RIN2: variants seen among roughly 807,000 people sequenced by gnomAD.
RIN2 encodes the protein RAB5 interacting protein 2.
A neutral mutation model predicts 78.0 loss-of-function variants in RIN2; 36 were observed. The observed-to-expected ratio is 0.46, with a 90% CI of 0.35 to 0.61. RIN2 has a LOEUF of 0.61. Ranked by LOEUF, RIN2 falls within the 20% of genes least tolerant of loss-of-function variation. The pLI is 0.00. For synonymous variants in RIN2, 466 were observed against 466.8 expected, an observed-to-expected ratio of 1.00 and a Z score of 0.02; for missense variants, 1,087 against 1,159.7, an observed-to-expected ratio of 0.94 and a Z score of 0.91.
At position 19,862,613 on chromosome 20, in the gene RIN2, C is replaced by G. The variant is rs2037377954; in HGVS notation, c.-36-26953C>G. ...GTCTCAAAACAAACAAACAAACAAACAAACAAACAAGCAAAAACAGAGTTG... is the reference window on the plus strand; with the variant it reads ...GTCTCAAAACAAACAAACAAACAAAGAAACAAACAAGCAAAAACAGAGTTG... On this transcript the variant is annotated intron_variant, in intron 2 of 12. Coordinates refer to ENST00000255006, the MANE Select transcript of RIN2 (RefSeq NM_018993.4). 2.0e-5 allele frequency among the ~76,000 whole-genome samples: 3 copies of G among 152,008 alleles called. No individual in the cohort carries two copies. In the South Asian group the frequency reaches 6.2e-4, roughly 32 times the overall value.
At chr20:19,972,823 C>T (rs2146309356) in intron 8 of RIN2, among the ~76,000 whole-genome samples, 1 of 152,288 alleles carries the variant, frequency 6.6e-6, no homozygotes, top group Middle Eastern at 3.4e-3. Flanking sequence ...GACCTGCTGT[C>T]CTGGGTAATA....
chr20:19,803,632 A>T (rs1374459881), intron 2 of RIN2, among the ~76,000 whole-genome samples: 1 of 152,150 alleles, frequency 6.6e-6, no homozygotes, highest in Admixed American at 6.5e-5. Context: ...TCAAAACTAA[A>T]AATCAGATCT....
chr20:19,923,374 C>T (rs953206373), intron 3 of RIN2, among the ~76,000 whole-genome samples: 1 of 150,624 alleles, frequency 6.6e-6, no homozygotes, highest in Non-Finnish European at 1.5e-5. Context: ...CGAGATTGTG[C>T]CACTGTACTC....
intron 2 of RIN2, among the ~76,000 whole-genome samples, chr20:19,883,557 G>GATCTTGAACTCCTGACCTC (rs2038091028): frequency 2.0e-5 from 3 of 152,046 alleles, no homozygotes; most frequent in Admixed American, 1.3e-4. Flanking sequence ...TGCCTGGGCT[G>GATCTTGAACTCCTGACCTC]ATCTTGAACT....
chr20:19,922,857 C>T (rs1344256724), intron 3 of RIN2, among the ~76,000 whole-genome samples: 1 of 152,176 alleles, frequency 6.6e-6, no homozygotes, highest in Non-Finnish European at 1.5e-5. Context: ...TAAACCATAC[C>T]TTTCACTCGC....
intron 5 of RIN2, among the ~76,000 whole-genome samples, chr20:19,957,781 GA>G (rs1403678208): frequency 2.0e-5 from 3 of 152,144 alleles, no homozygotes. Flanking sequence ...AATAAAATTA[GA>G]AATTCAGCTC....
intron 1 of RIN2, among the ~76,000 whole-genome samples, chr20:19,788,200 C>T (rs2034748388): frequency 6.6e-6 from 1 of 152,064 alleles, no homozygotes; most frequent in South Asian, 2.1e-4. Flanking sequence ...TTCACTGTCA[C>T]CTTATAGCAT....
intron 2 of RIN2, among the ~76,000 whole-genome samples, chr20:19,854,526 T>C (rs2037100554): frequency 6.6e-6 from 1 of 152,228 alleles, no homozygotes; most frequent in Admixed American, 6.5e-5. Flanking sequence ...GGAATGTTCT[T>C]CCATTTGTTT....
chr20:19,833,157 G>A (rs981372460), intron 2 of RIN2, among the ~76,000 whole-genome samples: 1 of 152,140 alleles, frequency 6.6e-6, no homozygotes, highest in Non-Finnish European at 1.5e-5. Flanking sequence ...AACGTGGCAA[G>A]CCCTCCTCTT....
chr20:19,900,097 T>C (rs73901328), intron 3 of RIN2, among the ~76,000 whole-genome samples: 3,643 of 152,308 alleles, frequency 0.024, 139 homozygotes, highest in African/African-American at 0.083. Context: ...TTCCAACCAA[T>C]TCTTGTCATG....
At chr20:19,849,706 G>A (rs1452753999) in intron 2 of RIN2, among the ~76,000 whole-genome samples, 1 of 151,996 alleles carries the variant, frequency 6.6e-6, no homozygotes, top group Non-Finnish European at 1.5e-5. Context: ...TGCTTGAACC[G>A]GACTTTCAGC....
intron 1 of RIN2, among the ~76,000 whole-genome samples, chr20:19,770,752 A>G (rs905429918): frequency 2.6e-5 from 4 of 152,144 alleles, no homozygotes; most frequent in African/African-American, 4.8e-5. Flanking sequence ...TCACCAACAC[A>G]GAAGCCTTCT....
intron 2 of RIN2, among the ~76,000 whole-genome samples, chr20:19,878,301 C>T (rs1460813832): frequency 6.6e-6 from 1 of 152,094 alleles, no homozygotes; most frequent in Non-Finnish European, 1.5e-5. Flanking sequence ...TCTCCCAAGC[C>T]CCTGGGCCCA....
Position 19,907,012 on chromosome 20 carries a change from C to A in RIN2, c.57+17354C>A, listed in dbSNP as rs543551497. On this transcript the variant is annotated intron_variant, in intron 3 of 12. Transcript: ENST00000255006. ...GCTACAACTCTGGAGGCTGGGAAGT[C>A]CCAAGGTTGAGGGGACTGCATTTTG... Among the ~76,000 whole-genome samples the A allele has an allele frequency of 1.6e-4, 24 of 152,232 alleles. 1 individual carries two copies. In the South Asian group the frequency reaches 4.1e-3, roughly 26 times the overall value.
intron 1 of RIN2, among the ~76,000 whole-genome samples, chr20:19,767,147 TTA>T: frequency 6.6e-6 from 1 of 152,264 alleles, no homozygotes; most frequent in East Asian, 1.9e-4. Context: ...GAAATTGTGT[TTA>T]TGTTTAGGTT....
intron 1 of RIN2, among the ~76,000 whole-genome samples, chr20:19,759,010 G>A (rs987887126): frequency 7.9e-5 from 12 of 152,216 alleles, no homozygotes; most frequent in Non-Finnish European, 1.6e-4. Flanking sequence ...GGAAGGGACG[G>A]GGCCACTTTC....
chr20:19,799,035 G>A (rs920567918), intron 1 of RIN2, among the ~76,000 whole-genome samples: 1 of 152,020 alleles, frequency 6.6e-6, no homozygotes, highest in Non-Finnish European at 1.5e-5. Context: ...CAGTAGGTGG[G>A]ACCATAGGCG....
In RIN2 at chr20:19,839,082, C is replaced by T. The variant is rs575477417; in HGVS notation, c.-37+39335C>T. 5.9e-5 allele frequency among the ~76,000 whole-genome samples: 9 copies of T among 152,316 alleles called. No individual in the cohort carries two copies. The South Asian group carries it at 6.2e-4, about 11-fold the overall frequency. On this transcript the variant is annotated intron_variant, in intron 2 of 12. Coordinates refer to ENST00000255006, the MANE Select transcript of RIN2 (RefSeq NM_018993.4). ...TGGGAGGAGCACAAATCAGAGTCTG[C>T]GCAGCCCCAGTGCTCAGCGCCTCAT...
At chr20:19,982,197 C>T (rs2146349945) in intron 9 of RIN2, among the ~76,000 whole-genome samples, 1 of 152,280 alleles carries the variant, frequency 6.6e-6, no homozygotes, top group Non-Finnish European at 1.5e-5. Flanking sequence ...TACAATTGCT[C>T]CTGGTGGAGA....
Sources: allele counts gnomAD v4.1 joint callset (sites outside exome capture counted in the v4.1 genomes callset), GRCh38; gene constraint gnomAD v4.1.1; transcripts MANE v1.5; gene names NCBI Gene and HGNC (gene_info 2026-07-23, HGNC 2026-07-21).